LGSN: variants seen among roughly 807,000 people sequenced by gnomAD.
The protein encoded by LGSN is lengsin.
LGSN carries 21 observed loss-of-function variants against 19.5 expected under a neutral mutation model. The observed-to-expected ratio is 1.07, with a 90% CI of 0.76 to 1.55. The LOEUF (loss-of-function observed/expected upper bound fraction) is 1.55, where lower values mean the gene tolerates loss of function less well. LGSN is among the 40% of genes most tolerant of loss of function. The pLI, the probability that LGSN is intolerant of heterozygous loss-of-function variation, is 0.00. For synonymous variants in LGSN, 257 were observed against 215.6 expected (o/e 1.19, Z -1.68); for missense variants, 673 against 608.5 (o/e 1.11, Z -1.12).
chr6:63,280,820 A>C lies in LGSN; in HGVS notation c.731T>G (p.Val244Gly). ...NHDQPFMQEL[V>G]DGLYHTGANV... ...GGCTCCAGTGTGATACAAGCCATCA[A>C]CAAGTTCCTGCATGAAGGGCTGATC... Residue 244 changes from valine to glycine, a missense_variant, in exon 4 of 4, where the codon GTT becomes GGT. Transcript: ENST00000370657. 1 of 1,614,114 alleles carries C rather than the reference A, an allele frequency of 6.2e-7. No individual in the cohort carries two copies. The highest frequency in any genetic ancestry group is 8.5e-7 in the Non-Finnish European group (1 of 1,179,988).
chr6:63,476,181 G>T, the LGSN span, among the ~76,000 whole-genome samples: 1 of 152,178 alleles, frequency 6.6e-6, no homozygotes, highest in African/African-American at 2.4e-5. Flanking sequence ...ATCATTAAAA[G>T]TTCACCTTGG....
chr6:63,426,838 T>C, the LGSN span, among the ~76,000 whole-genome samples: 1 of 152,132 alleles, frequency 6.6e-6, no homozygotes, highest in Non-Finnish European at 1.5e-5. Context: ...TAAATTTTCC[T>C]TTATTAAGTG....
chr6:63,522,349 G>T, the LGSN span, among the ~76,000 whole-genome samples: 3 of 152,158 alleles, frequency 2.0e-5, no homozygotes, highest in South Asian at 2.1e-4. Flanking sequence ...AGATCACCTT[G>T]TATCTGCTAA....
the LGSN span, among the ~76,000 whole-genome samples, chr6:63,512,578 C>A: frequency 6.6e-6 from 1 of 152,138 alleles, no homozygotes; most frequent in Non-Finnish European, 1.5e-5. Flanking sequence ...GCCTCTCATA[C>A]CCAGGCATAA....
chr6:63,551,975 C>T, the LGSN span, among the ~76,000 whole-genome samples: 1 of 152,200 alleles, frequency 6.6e-6, no homozygotes, highest in East Asian at 1.9e-4. Context: ...CAAGTCTTTG[C>T]TATTGTGAGT....
chr6:63,500,258 G>T, the LGSN span, among the ~76,000 whole-genome samples: 81,326 of 151,646 alleles, frequency 0.54, 23,615 homozygotes, highest in African/African-American at 0.77. Flanking sequence ...TGAAGGAGAA[G>T]TATAATGGAA....
At chr6:63,526,577 A>G in the LGSN span, among the ~76,000 whole-genome samples, 1 of 151,758 alleles carries the variant, frequency 6.6e-6, no homozygotes, top group East Asian at 1.9e-4. Flanking sequence ...TGGGAGACCG[A>G]GGCAGGCGGA....
At chr6:63,326,349 C>T in the LGSN span, among the ~76,000 whole-genome samples, 1 of 152,240 alleles carries the variant, frequency 6.6e-6, no homozygotes, top group Non-Finnish European at 1.5e-5. Flanking sequence ...TAAAGGTTCT[C>T]CACATCCCCA....
chr6:63,446,976 G>T, the LGSN span, among the ~76,000 whole-genome samples: 1 of 152,206 alleles, frequency 6.6e-6, no homozygotes, highest in Non-Finnish European at 1.5e-5. Context: ...TTGAACCCAG[G>T]AGGCGGAGGT....
At chr6:63,388,098 A>G in the LGSN span, among the ~76,000 whole-genome samples, 20 of 150,678 alleles carry the variant, frequency 1.3e-4, no homozygotes, top group East Asian at 2.7e-3. Flanking sequence ...CTGGTCTCGA[A>G]CTCCTGACCT....
chr6:63,354,489 A>T, the LGSN span, among the ~76,000 whole-genome samples: 1 of 152,138 alleles, frequency 6.6e-6, no homozygotes, highest in African/African-American at 2.4e-5. Flanking sequence ...AGACAAAAAT[A>T]TAACAGATGC....
chr6:63,489,268 C>T, the LGSN span, among the ~76,000 whole-genome samples: 1 of 152,162 alleles, frequency 6.6e-6, no homozygotes, highest in Non-Finnish European at 1.5e-5. Flanking sequence ...ATAAGAGTAG[C>T]ATTTATTATA....
the LGSN span, chr6:63,571,547 G>A: frequency 2.0e-5 from 3 of 152,214 alleles, no homozygotes; most frequent in Non-Finnish European, 4.4e-5. Flanking sequence ...ACATAAAGAA[G>A]AGCTTTAGCT....
intron 1 of LGSN, among the ~76,000 whole-genome samples, chr6:63,309,479 G>T (rs1378849643): frequency 2.0e-5 from 3 of 152,086 alleles, no homozygotes; most frequent in Non-Finnish European, 2.9e-5. Flanking sequence ...TTGTCACCTG[G>T]ATTGACACAA....
At chr6:63,420,110 G>A in the LGSN span, among the ~76,000 whole-genome samples, 1 of 151,642 alleles carries the variant, frequency 6.6e-6, no homozygotes, top group African/African-American at 2.4e-5. Flanking sequence ...GGCTGAGGCA[G>A]GAGAATGGCG....
chr6:63,543,002 T>C, the LGSN span, among the ~76,000 whole-genome samples: 8 of 152,178 alleles, frequency 5.3e-5, no homozygotes, highest in Non-Finnish European at 7.4e-5. Context: ...TTTAGAATAG[T>C]ATAATGAGTT....
At chr6:63,438,547 C>T in the LGSN span, among the ~76,000 whole-genome samples, 4 of 151,944 alleles carry the variant, frequency 2.6e-5, no homozygotes, top group Non-Finnish European at 5.9e-5. Flanking sequence ...GGGCGAAGGA[C>T]ATGAACAGAC....
the LGSN span, among the ~76,000 whole-genome samples, chr6:63,461,299 A>G: frequency 5.9e-4 from 90 of 152,178 alleles, no homozygotes; most frequent in African/African-American, 2.1e-3. Context: ...TGATCCACCC[A>G]CCTCAGCCTT....
the LGSN span, among the ~76,000 whole-genome samples, chr6:63,443,185 G>A: frequency 2.6e-4 from 39 of 152,340 alleles, no homozygotes; most frequent in African/African-American, 7.7e-4. Context: ...CTACTGGCCC[G>A]GATGCTAAGC....
Sources: gnomAD v4.1 joint callset for allele counts (sites outside exome capture counted in the v4.1 genomes callset) on GRCh38, gnomAD v4.1.1 for gene constraint, MANE v1.5 for transcripts, NCBI Gene and HGNC (gene_info 2026-07-23, HGNC 2026-07-21) for gene names.